RGCC: variants seen among roughly 807,000 people sequenced by gnomAD.
RGCC encodes the protein regulator of cell cycle RGCC.
In RGCC, 15 loss-of-function variants were observed where a neutral mutation model predicts 15.4. That is an observed-to-expected ratio of 0.97 (90% CI 0.65 to 1.50). The LOEUF (loss-of-function observed/expected upper bound fraction) is 1.50, where lower values mean the gene tolerates loss of function less well. Ranked by LOEUF, RGCC falls within the 40% of genes most tolerant of loss-of-function variation. The probability of loss-of-function intolerance (pLI) is 0.00; values close to 1 mark genes in which losing one functional copy is unlikely to be tolerated. For missense variants in RGCC, 176 were observed against 189.7 expected, an observed-to-expected ratio of 0.93 and a Z score of 0.42; for synonymous variants, 81 against 78.0, an observed-to-expected ratio of 1.04 and a Z score of -0.20.
intron 3 of RGCC, among the ~76,000 whole-genome samples, chr13:41,468,467 G>A (rs1222708123): frequency 2.6e-5 from 4 of 152,186 alleles, no homozygotes; most frequent in Non-Finnish European, 5.9e-5. Context: ...TCTAGGTGAG[G>A]GAGAAGTGGG....
chr13:41,460,493 A>G (rs2043815835), intron 2 of RGCC, among the ~76,000 whole-genome samples: 1 of 152,214 alleles, frequency 6.6e-6, no homozygotes, highest in South Asian at 2.1e-4. Flanking sequence ...GATGATGATG[A>G]TGATTTATTA....
Position 41,457,866 on chromosome 13 carries a change from G to A in RGCC, c.49+110G>A. ...CACCCCCCACCCTTCCATCCTCCCC[G>A]GCGGGAACCTGTCCCCGGTCTTCCC... On this transcript the variant is annotated intron_variant, in intron 1 of 4. Coordinates refer to ENST00000379359, the MANE Select transcript of RGCC (RefSeq NM_014059.3). This position sits in a 1 kb window ranked among gnomAD's most constrained non-coding sequence, Gnocchi z 4.9. The A allele has an allele frequency of 7.6e-7, 1 of 1,320,726 alleles. No individual in the cohort carries two copies. Among genetic ancestry groups the A allele is most frequent in the South Asian group, 2.2e-5 (1 of 44,528 alleles). The allele number at this position is 1,320,726 out of a possible 1,614,324, so 81.8% of individuals were successfully genotyped here. A position where few individuals can be genotyped will look rare whatever the true frequency, so the allele number is the denominator to read the frequency against.
chr13:41,463,157 A>G (rs2043829813), intron 2 of RGCC, among the ~76,000 whole-genome samples: 1 of 152,186 alleles, frequency 6.6e-6, no homozygotes, highest in Non-Finnish European at 1.5e-5. Flanking sequence ...AGGGTCATGC[A>G]GTTTTCACGT....
chr13:41,467,718 C>T (rs368303741), intron 3 of RGCC, among the ~76,000 whole-genome samples: 1 of 152,290 alleles, frequency 6.6e-6, no homozygotes, highest in Non-Finnish European at 1.5e-5. Flanking sequence ...TCAGAAGAGG[C>T]ATTTGAAAGT....
At chr13:41,468,246 C>T (rs3814784) in intron 3 of RGCC, among the ~76,000 whole-genome samples, 21,814 of 152,226 alleles carry the variant, frequency 0.14, 1,770 homozygotes, top group Non-Finnish European at 0.19. Flanking sequence ...CAGCGTTGCC[C>T]TGGGGGGACA....
At chr13:41,459,498 G>T (rs2043810314) in intron 2 of RGCC, among the ~76,000 whole-genome samples, 1 of 152,178 alleles carries the variant, frequency 6.6e-6, no homozygotes, top group Non-Finnish European at 1.5e-5. Flanking sequence ...CCTGGGCTAA[G>T]ATTCGGGGCT....
At position 41,458,981 on chromosome 13, in the gene RGCC, T is replaced by G. The variant is rs2043807989; in HGVS notation, c.235+511T>G. 6.6e-6 allele frequency among the ~76,000 whole-genome samples: 1 copy of G among 152,196 alleles called. No individual in the cohort carries two copies. The highest frequency in any genetic ancestry group is 1.5e-5 in the Non-Finnish European group (1 of 68,036). On this transcript the variant is annotated intron_variant, in intron 2 of 4. Coordinates refer to ENST00000379359, the MANE Select transcript of RGCC (RefSeq NM_014059.3). This position sits in a 1 kb window ranked among gnomAD's most constrained non-coding sequence, Gnocchi z 4.4. The stretch of plus-strand genomic sequence containing the variant: ...GTCTTCTGGCCCTTAGCTCTCAGAC[T>G]TGTTGCTCCATTGCATGCAGTTATG...
chr13:41,465,571 C>T (rs553562345), intron 2 of RGCC, among the ~76,000 whole-genome samples: 1 of 151,924 alleles, frequency 6.6e-6, no homozygotes, highest in Non-Finnish European at 1.5e-5. Context: ...TCAAAGGCAC[C>T]CTAGTACTTA....
intron 2 of RGCC, among the ~76,000 whole-genome samples, chr13:41,461,154 C>T (rs1427730238): frequency 6.6e-6 from 1 of 152,152 alleles, no homozygotes; most frequent in Non-Finnish European, 1.5e-5. Context: ...TGCAGTATAA[C>T]TTCACATGGT....
Position 41,457,865 on chromosome 13 carries a change from C to G in RGCC, c.49+109C>G, listed in dbSNP as rs2043800402. The stretch of plus-strand genomic sequence containing the variant: ...ACACCCCCCACCCTTCCATCCTCCC[C>G]GGCGGGAACCTGTCCCCGGTCTTCC... On this transcript the variant is annotated intron_variant, in intron 1 of 4. Transcript: ENST00000379359. The surrounding 1 kb of genome is among the most constrained non-coding windows in gnomAD (Gnocchi z 4.9). 4 of 1,325,042 alleles carry G rather than the reference C, an allele frequency of 3.0e-6. No homozygotes were observed. Among genetic ancestry groups the G allele is most frequent in the Admixed American group, 3.9e-5 (1 of 25,516 alleles). The allele number at this position is 1,325,042 out of a possible 1,614,324, so 82.1% of individuals were successfully genotyped here.
At chr13:41,468,462 G>A (rs933237024) in intron 3 of RGCC, among the ~76,000 whole-genome samples, 2 of 152,198 alleles carry the variant, frequency 1.3e-5, no homozygotes, top group South Asian at 4.1e-4. Flanking sequence ...CCTCTTCTAG[G>A]TGAGGGAGAA....
intron 2 of RGCC, among the ~76,000 whole-genome samples, chr13:41,459,847 A>G (rs937100422): frequency 6.6e-6 from 1 of 152,236 alleles, no homozygotes; most frequent in African/African-American, 2.4e-5. Flanking sequence ...AGATTCTCGC[A>G]TGGAAAAGAA....
Position 41,457,871 on chromosome 13 carries a change from G to A in RGCC, c.49+115G>A, listed in dbSNP as rs1250262183. The A allele has an allele frequency of 6.8e-6, 9 of 1,321,720 alleles. No homozygotes were observed. Among genetic ancestry groups the A allele is most frequent in the Non-Finnish European group, 9.7e-7 (1 of 1,029,024 alleles). 81.9% of individuals were successfully genotyped at this position (1,321,720 alleles called of 1,614,324 possible). A position where few individuals can be genotyped will look rare whatever the true frequency, so the allele number is the denominator to read the frequency against. On this transcript the variant is annotated intron_variant, in intron 1 of 4. Coordinates refer to ENST00000379359, the MANE Select transcript of RGCC (RefSeq NM_014059.3). This position sits in a 1 kb window ranked among gnomAD's most constrained non-coding sequence, Gnocchi z 4.9. ...CCCACCCTTCCATCCTCCCCGGCGG[G>A]AACCTGTCCCCGGTCTTCCCGCGCG...
chr13:41,457,752 C>G lies in RGCC; in HGVS notation c.45C>G (p.Ala15=). 1 of 1,396,864 alleles carries G rather than the reference C, an allele frequency of 7.2e-7. No homozygotes were observed. The highest frequency in any genetic ancestry group is 9.3e-7 in the Non-Finnish European group (1 of 1,080,410). The allele number at this position is 1,396,864 out of a possible 1,614,324, so 86.5% of individuals were successfully genotyped here. The stretch of plus-strand genomic sequence containing the variant: ...AGGGCAGCCCCGCGGCCGCCGCGGC[C>G]GCAGGTGAGTGCGGGGTCCGGGGTC... The part of the protein sequence containing the change: ...AAQGSPAAAA[A]AAPALDSAAA... Residue 15 remains alanine, a synonymous_variant, in exon 1 of 5, where the codon GCC becomes GCG. Coordinates refer to ENST00000379359, the MANE Select transcript of RGCC (RefSeq NM_014059.3). The surrounding 1 kb of genome is among the most constrained non-coding windows in gnomAD (Gnocchi z 4.9).
intron 2 of RGCC, among the ~76,000 whole-genome samples, chr13:41,459,714 A>C (rs1329761464): frequency 6.6e-6 from 1 of 152,246 alleles, no homozygotes. Flanking sequence ...GTTCTTAATG[A>C]ATAGGTTCAT....
intron 2 of RGCC, among the ~76,000 whole-genome samples, chr13:41,462,654 T>C (rs973220719): frequency 1.3e-5 from 2 of 152,094 alleles, no homozygotes; most frequent in Non-Finnish European, 2.9e-5. Context: ...CAATAATACA[T>C]GAATATGTGA....
rs530613647 is a variant in RGCC, at chr13:41,465,511, C to T, written c.236-1312C>T. ...GAAGTGCCTTTAAGGATTATTTAGTCCGCCTTCCCATTCTATTGATAAGTA... is the reference window on the plus strand; with the variant it reads ...GAAGTGCCTTTAAGGATTATTTAGTTCGCCTTCCCATTCTATTGATAAGTA... On this transcript the variant is annotated intron_variant, in intron 2 of 4. Transcript: ENST00000379359. Among the ~76,000 whole-genome samples, 4 of 151,282 alleles carry T rather than the reference C, an allele frequency of 2.6e-5. No homozygotes were observed. In the Admixed American group the frequency reaches 2.6e-4, roughly 10 times the overall value.
chr13:41,464,300 A>G (rs1412683855), intron 2 of RGCC: 1 of 152,600 alleles, frequency 6.6e-6, no homozygotes, highest in Non-Finnish European at 1.5e-5. Context: ...ATTTTGCCTT[A>G]TCTTCTCCCC....
At chr13:41,469,283 T>G (rs866059125) in intron 4 of RGCC, among the ~76,000 whole-genome samples, 43 of 115,782 alleles carry the variant, frequency 3.7e-4, no homozygotes, top group East Asian at 3.7e-3. Flanking sequence ...ATAATAATAA[T>G]AATAATAATA....
Sources: gnomAD v4.1 joint callset for allele counts (sites outside exome capture counted in the v4.1 genomes callset) on GRCh38, gnomAD v4.1.1 for gene constraint, Gnocchi (gnomAD v3.1) non-coding constraint, MANE v1.5 for transcripts, NCBI Gene and HGNC (gene_info 2026-07-23, HGNC 2026-07-21) for gene names.